Variants in NRXN1 observed in about 807,000 individuals in gnomAD.
NRXN1 encodes neurexin 1.
A neutral mutation model predicts 150.9 loss-of-function variants in NRXN1; 39 were observed. That is an observed-to-expected ratio of 0.26 (90% CI 0.20 to 0.34). The LOEUF (loss-of-function observed/expected upper bound fraction) is 0.34. NRXN1 is among the 10% of genes least tolerant of loss of function. The pLI is 1.00. For synonymous variants in NRXN1, 924 were observed against 757.0 expected, an observed-to-expected ratio of 1.22 and a Z score of -3.62; for missense variants, 1,815 against 1,949.9, an observed-to-expected ratio of 0.93 and a Z score of 1.30.
intron 18 of NRXN1, among the ~76,000 whole-genome samples, chr2:50,155,870 C>G (rs1284665002): frequency 2.0e-5 from 3 of 151,470 alleles, no homozygotes; most frequent in South Asian, 2.1e-4. Flanking sequence ...ACACACATTT[C>G]TACTGTTTAA....
chr2:50,548,527 ATTTAT>A (rs200123574), intron 9 of NRXN1, among the ~76,000 whole-genome samples: 1,847 of 152,244 alleles, frequency 0.012, 24 homozygotes, highest in Middle Eastern at 0.017. Flanking sequence ...GATGCTGCTA[ATTTAT>A]TTTATTTTAT....
In NRXN1 at chr2:50,813,304, T is replaced by A. The variant is rs191202295; in HGVS notation, c.832+108565A>T. On this transcript the variant is annotated intron_variant, in intron 5 of 22. Coordinates refer to ENST00000401669, the MANE Select transcript of NRXN1 (RefSeq NM_001330078.2). Reference sequence around the variant, plus strand: ...ATTTTTACCATTTTCTTTTTTGTTATCTTTTAGATCTCCATCAAAATAAAC... The same window carrying A: ...ATTTTTACCATTTTCTTTTTTGTTAACTTTTAGATCTCCATCAAAATAAAC... Among the ~76,000 whole-genome samples, 135 of 152,346 alleles carry A rather than the reference T, an allele frequency of 8.9e-4. 2 individuals are homozygous for A. Among genetic ancestry groups the A allele is most frequent in the Admixed American group, 8.4e-3 (128 of 15,296 alleles).
chr2:50,256,898 G>A (rs983974709), intron 17 of NRXN1, among the ~76,000 whole-genome samples: 1 of 152,010 alleles, frequency 6.6e-6, no homozygotes, highest in African/African-American at 2.4e-5. Context: ...GAAGCCAAAG[G>A]TTGAGAACTG....
At chr2:50,351,232 T>C (rs908601518) in intron 17 of NRXN1, among the ~76,000 whole-genome samples, 1 of 152,182 alleles carries the variant, frequency 6.6e-6, no homozygotes, top group African/African-American at 2.4e-5. Context: ...CTAACTGTAA[T>C]GTATTCTAAA....
chr2:50,205,319 G>A (rs549350299), intron 18 of NRXN1, among the ~76,000 whole-genome samples: 1 of 152,128 alleles, frequency 6.6e-6, no homozygotes, highest in South Asian at 2.1e-4. Context: ...AGAAACTGAT[G>A]GAATGTGTAA....
chr2:50,413,343 T>C (rs1231197181), intron 17 of NRXN1, among the ~76,000 whole-genome samples: 1 of 151,544 alleles, frequency 6.6e-6, no homozygotes, highest in African/African-American at 2.4e-5. Flanking sequence ...GTGTTCAATA[T>C]CACAGATCAT....
chr2:50,626,473 G>A (rs1681085521), intron 5 of NRXN1, among the ~76,000 whole-genome samples: 1 of 151,854 alleles, frequency 6.6e-6, no homozygotes, highest in Non-Finnish European at 1.5e-5. Flanking sequence ...ATATTCTTAA[G>A]CATATATGAA....
intron 18 of NRXN1, among the ~76,000 whole-genome samples, chr2:50,177,878 C>A (rs2060453004): frequency 2.1e-5 from 3 of 140,264 alleles, no homozygotes. Flanking sequence ...TGATTAAATA[C>A]CTGTTGGAAG....
intron 5 of NRXN1, among the ~76,000 whole-genome samples, chr2:50,864,530 C>T (rs1204553367): frequency 1.3e-5 from 2 of 152,076 alleles, no homozygotes; most frequent in Middle Eastern, 6.8e-3. Context: ...CCATACTATG[C>T]AGCAAGCACT....
chr2:51,004,590 C>T (rs7565082), intron 2 of NRXN1, among the ~76,000 whole-genome samples: 26,454 of 151,796 alleles, frequency 0.17, 3,483 homozygotes, highest in African/African-American at 0.37. Context: ...ATGCAGTGAG[C>T]CGAGATCATG....
chr2:50,952,507 A>G (rs1325341650), intron 2 of NRXN1, among the ~76,000 whole-genome samples: 1 of 151,946 alleles, frequency 6.6e-6, no homozygotes, highest in East Asian at 1.9e-4. Context: ...GTTTTTATTA[A>G]TAACTTGCTA....
At chr2:50,171,777 T>G (rs1265899052) in intron 18 of NRXN1, among the ~76,000 whole-genome samples, 1 of 152,180 alleles carries the variant, frequency 6.6e-6, no homozygotes, top group African/African-American at 2.4e-5. Context: ...GCCAGTTAGA[T>G]TAGCAGGGTT....
chr2:50,154,976 A>T (rs913009416), intron 18 of NRXN1, among the ~76,000 whole-genome samples: 1 of 151,684 alleles, frequency 6.6e-6, no homozygotes, highest in African/African-American at 2.4e-5. Flanking sequence ...GAAAAAATTG[A>T]ATAAAAGTAT....
intron 5 of NRXN1, among the ~76,000 whole-genome samples, chr2:50,625,255 A>G (rs1294935639): frequency 6.6e-6 from 1 of 152,082 alleles, no homozygotes; most frequent in African/African-American, 2.4e-5. Flanking sequence ...TCCTGGATGT[A>G]GAAAATGGCC....
intron 18 of NRXN1, among the ~76,000 whole-genome samples, chr2:50,186,129 T>C (rs967527030): frequency 6.6e-6 from 1 of 152,076 alleles, no homozygotes; most frequent in Admixed American, 6.6e-5. Context: ...ATGATTTGAA[T>C]GGGCCACTTC....
intron 8 of NRXN1, among the ~76,000 whole-genome samples, chr2:50,607,676 C>T (rs1372551623): frequency 2.0e-5 from 3 of 150,768 alleles, no homozygotes; most frequent in Non-Finnish European, 4.4e-5. Context: ...AGTAAACCTG[C>T]ACACAGTGAT....
intron 2 of NRXN1, among the ~76,000 whole-genome samples, chr2:50,996,465 T>G (rs1267547068): frequency 6.6e-6 from 1 of 152,100 alleles, no homozygotes; most frequent in Non-Finnish European, 1.5e-5. Flanking sequence ...GTATTTATAT[T>G]TTCATAGAAC....
At chr2:51,004,477 GA>G in intron 2 of NRXN1, among the ~76,000 whole-genome samples, 1 of 151,908 alleles carries the variant, frequency 6.6e-6, no homozygotes, top group East Asian at 2.0e-4. Context: ...GACCATTTCA[GA>G]AAACTAGGCT....
rs143522284 is a variant in NRXN1 at position 50,252,258 on chromosome 2, CTTTTTTTT to C, written c.3365-15296_3365-15289del. On this transcript the variant is annotated intron_variant, in intron 17 of 22. Coordinates refer to ENST00000401669, the MANE Select transcript of NRXN1 (RefSeq NM_001330078.2). ...CTTTTTTTTTTTTCTTTTTTCTTTT[CTTTTTTTT>C]TTTTTTTTTTTGAGACAGAGTATCC... Among the ~76,000 whole-genome samples, 4 of 69,724 alleles carry C rather than the reference CTTTTTTTT, an allele frequency of 5.7e-5. No homozygotes were observed. The East Asian group carries it at 1.3e-3, about 23-fold the overall frequency. 45.7% of individuals were successfully genotyped at this position (69,724 alleles called of 152,430 possible). A position where few individuals can be genotyped will look rare whatever the true frequency, so the allele number is the denominator to read the frequency against.
Sources: allele counts gnomAD v4.1 joint callset (sites outside exome capture counted in the v4.1 genomes callset), GRCh38; gene constraint gnomAD v4.1.1; transcripts MANE v1.5; gene names NCBI Gene and HGNC (gene_info 2026-07-23, HGNC 2026-07-21).